MALT1: variants seen among roughly 807,000 people sequenced by gnomAD.
MALT1 encodes the protein MALT1 paracaspase, also known as mucosa-associated lymphoid tissue lymphoma translocation protein 1.
Under a neutral mutation model 85.5 loss-of-function variants are expected in MALT1, and 36 were observed. The ratio of observed to expected loss-of-function variants is 0.42; its 90% CI spans 0.32 to 0.56. MALT1 has a LOEUF of 0.56. Among genes scored for constraint, MALT1 ranks in the 20% least tolerant of loss-of-function variants. The pLI is 0.10. For synonymous variants in MALT1, 359 were observed against 361.3 expected (o/e 0.99, Z 0.07); for missense variants, 716 against 981.6 (o/e 0.73, Z 3.62).
chr18:58,685,580 A>G (rs890253620), intron 2 of MALT1, among the ~76,000 whole-genome samples: 3 of 152,208 alleles, frequency 2.0e-5, no homozygotes, highest in African/African-American at 4.8e-5. Flanking sequence ...GTCACTCAGC[A>G]TGTAGTCTGA....
chr18:58,749,290 A>G lies in MALT1; in HGVS notation c.*1448A>G, dbSNP rs1219904250. ...CACACATTATGAGCTTGAATTCTTAATTCATCCTAGCAAATTCTACCTTAT... is the reference window on the plus strand; with the variant it reads ...CACACATTATGAGCTTGAATTCTTAGTTCATCCTAGCAAATTCTACCTTAT... On this transcript the variant is annotated 3_prime_UTR_variant, in exon 17 of 17. Transcript: ENST00000649217. The G allele has an allele frequency of 9.2e-6, 2 of 216,712 alleles. No homozygotes were observed. The highest frequency in any genetic ancestry group is 1.9e-5 in the Non-Finnish European group (2 of 107,752). 13.4% of individuals were successfully genotyped at this position (216,712 alleles called of 1,614,324 possible).
chr18:58,691,505 G>T (rs1345007254), intron 2 of MALT1: 1 of 203,758 alleles, frequency 4.9e-6, no homozygotes, highest in Non-Finnish European at 1.0e-5. Flanking sequence ...CTTAACAAGT[G>T]TGGCAAGAGT....
intron 16 of MALT1, among the ~76,000 whole-genome samples, chr18:58,746,171 C>T (rs1406327161): frequency 2.6e-5 from 4 of 152,108 alleles, no homozygotes; most frequent in Non-Finnish European, 4.4e-5. Context: ...GCACATGCCA[C>T]TACACCCAGC....
In MALT1 at chr18:58,747,709, G is replaced by A. The variant is rs375148474; in HGVS notation, c.2342G>A (p.Arg781Gln). The A allele has an allele frequency of 3.5e-5, 57 of 1,613,966 alleles. No individual in the cohort carries two copies. The highest frequency in any genetic ancestry group is 3.3e-4 in the Middle Eastern group (2 of 6,084). The change falls in exon 17 of 17, where the codon CGG becomes CAG. Residue 781 changes from arginine to glutamine, a missense_variant. Physicochemically the swap from Arg to Gln is conservative, Grantham distance 43. Around this residue, in one of 4 missense-constraint regions of MALT1, gnomAD observed 260 missense variants for 323.7 expected, o/e 0.80. Coordinates refer to ENST00000649217, the MANE Select transcript of MALT1 (RefSeq NM_006785.4). Reference protein sequence around the residue: ...VTPADSCHCSRTPDAFISSFA... With the variant: ...VTPADSCHCSQTPDAFISSFA... Reference sequence around the variant, plus strand: ...CCAGCAGATAGCTGTCATTGCAGCCGGACTCCAGATGCATTTATTTCAAGT... The same window carrying A: ...CCAGCAGATAGCTGTCATTGCAGCCAGACTCCAGATGCATTTATTTCAAGT...
At chr18:58,734,584 T>C in intron 12 of MALT1, 1 of 525,270 alleles carries the variant, frequency 1.9e-6, no homozygotes, top group Non-Finnish European at 3.4e-6. Context: ...CCACTGTGCC[T>C]GGCCCCTGAG....
chr18:58,681,213 G>A lies in MALT1; in HGVS notation c.253G>A (p.Glu85Lys), dbSNP rs1229588896. The A allele has an allele frequency of 1.2e-6, 2 of 1,614,186 alleles. No individual in the cohort carries two copies. The highest frequency in any genetic ancestry group is 1.7e-6 in the Non-Finnish European group (2 of 1,180,020). ...EQCSLKVLEP[E>K]GSPSLCLLKL... ...GTGTTCTCTTAAGGTACTGGAGCCT[G>A]AAGGAAGCCCCAGCCTGTGTCTGCT... is the stretch of plus-strand genomic sequence containing the variant. Residue 85 changes from glutamate to lysine, a missense_variant, in exon 2 of 17, where the codon GAA (glutamate) becomes AAA (lysine). By Grantham distance (56) the Glu-to-Lys change is moderately conservative (BLOSUM62 1). Transcript: ENST00000649217.
rs564704002 is a variant in MALT1, at chr18:58,750,980, AAAAC to A, written c.*3148_*3151del. The A allele has an allele frequency of 1.2e-4, 18 of 152,328 alleles. No individual in the cohort carries two copies. The highest frequency in any genetic ancestry group is 9.6e-4 in the East Asian group (5 of 5,186). 9.4% of individuals were successfully genotyped at this position (152,328 alleles called of 1,614,324 possible). ...TTTGAAAAATCATGTATCTGATAAA[AAAAC>A]AAACAAACATGCAGGTGCTCAGCTG... On this transcript the variant is annotated 3_prime_UTR_variant, in exon 17 of 17. Transcript: ENST00000649217.
intron 9 of MALT1, among the ~76,000 whole-genome samples, chr18:58,718,802 C>T (rs1032819009): frequency 6.6e-6 from 1 of 152,114 alleles, no homozygotes; most frequent in African/African-American, 2.4e-5. Context: ...AGATGGTGAT[C>T]AGATTAGTCG....
At chr18:58,718,044 C>T (rs771148128) in intron 9 of MALT1, among the ~76,000 whole-genome samples, 2 of 152,092 alleles carry the variant, frequency 1.3e-5, no homozygotes, top group Non-Finnish European at 2.9e-5. Context: ...AGTGTTTTCA[C>T]CTAGTGAAAT....
intron 3 of MALT1, among the ~76,000 whole-genome samples, chr18:58,699,729 A>G (rs1316513886): frequency 6.6e-6 from 1 of 152,232 alleles, no homozygotes; most frequent in African/African-American, 2.4e-5. Context: ...AGTTATTGTA[A>G]TGAGGCACTT....
intron 13 of MALT1, among the ~76,000 whole-genome samples, chr18:58,737,401 G>A (rs1017752846): frequency 3.3e-5 from 5 of 151,416 alleles, no homozygotes; most frequent in African/African-American, 9.7e-5. Flanking sequence ...AGGATTGCTC[G>A]AGCCTGGCAG....
At chr18:58,694,439 G>A (rs1727713355) in intron 2 of MALT1, among the ~76,000 whole-genome samples, 1 of 152,038 alleles carries the variant, frequency 6.6e-6, no homozygotes, top group African/African-American at 2.4e-5. Flanking sequence ...GTGGGTGGTA[G>A]AAGAAAAAGA....
intron 10 of MALT1, among the ~76,000 whole-genome samples, chr18:58,729,328 A>G (rs1014460538): frequency 2.0e-5 from 3 of 151,962 alleles, no homozygotes; most frequent in African/African-American, 4.8e-5. Flanking sequence ...TGTCTCTACT[A>G]AAAATACAAA....
chr18:58,735,560 C>T (rs1375330474), intron 13 of MALT1, among the ~76,000 whole-genome samples: 1 of 152,146 alleles, frequency 6.6e-6, no homozygotes, highest in Non-Finnish European at 1.5e-5. Context: ...TGCAGCATTA[C>T]TCAGACTACA....
In MALT1 at chr18:58,748,707, ATACTCTTATCTTTGGCT is replaced by A. The variant is rs542068744; in HGVS notation, c.*866_*882del. The A allele has an allele frequency of 9.7e-4, 188 of 194,784 alleles. 2 individuals carry two copies. The highest frequency in any genetic ancestry group is 3.9e-3 in the African/African-American group (167 of 43,356). 12.1% of individuals were successfully genotyped at this position (194,784 alleles called of 1,614,324 possible). ...TGAATTTCACTGGCCTAATGAGATA[ATACTCTTATCTTTGGCT>A]CTACCTAAAAGTTGGTTAAAAATGC... is the stretch of plus-strand genomic sequence containing the variant. On this transcript the variant is annotated 3_prime_UTR_variant, in exon 17 of 17. Coordinates refer to ENST00000649217, the MANE Select transcript of MALT1 (RefSeq NM_006785.4).
intron 9 of MALT1, among the ~76,000 whole-genome samples, chr18:58,717,065 A>G (rs1027300170): frequency 6.6e-6 from 1 of 152,192 alleles, no homozygotes; most frequent in Non-Finnish European, 1.5e-5. Context: ...AATATGCTTA[A>G]AAGATTGAGG....
chr18:58,694,709 T>C (rs1355573453), intron 2 of MALT1, among the ~76,000 whole-genome samples: 1 of 152,234 alleles, frequency 6.6e-6, no homozygotes, highest in East Asian at 1.9e-4. Flanking sequence ...ACACAGTTTC[T>C]GAGGCTAGTA....
intron 13 of MALT1, among the ~76,000 whole-genome samples, chr18:58,738,789 CTGTGTGTGTGTG>C (rs35316552): frequency 8.0e-6 from 1 of 125,150 alleles, no homozygotes; most frequent in East Asian, 2.2e-4. Flanking sequence ...GTGCATTCTT[CTGTGTGTGTGTG>C]TGTGTGTGTG....
chr18:58,727,531 T>G (rs556576690), intron 10 of MALT1, among the ~76,000 whole-genome samples: 1 of 152,052 alleles, frequency 6.6e-6, no homozygotes, highest in East Asian at 1.9e-4. Flanking sequence ...TCTCGCTCTA[T>G]CTCCTGACCT....
Sources: allele counts gnomAD v4.1 joint callset (sites outside exome capture counted in the v4.1 genomes callset), GRCh38; gene constraint gnomAD v4.1.1; regional missense constraint gnomAD v4.1.1; transcripts MANE v1.5; gene names NCBI Gene and HGNC (gene_info 2026-07-23, HGNC 2026-07-21).